The following FRMPD3 variants were observed in gnomAD, a reference collection of about 807,000 sequenced individuals.
FRMPD3 encodes FERM and PDZ domain-containing protein 3.
Under a neutral mutation model 97.9 loss-of-function variants are expected in FRMPD3, and 42 were observed. The observed-to-expected ratio is 0.43, with a 90% CI of 0.34 to 0.55. FRMPD3 has a LOEUF of 0.55. Ranked by LOEUF, FRMPD3 falls within the 20% of genes least tolerant of loss-of-function variation. FRMPD3 has a pLI of 0.03. For missense variants in FRMPD3, 1,303 were observed against 1,457.7 expected (o/e 0.89, Z 1.73); for synonymous variants, 577 against 581.1 (o/e 0.99, Z 0.10).
chrX:107,488,655 G>A (rs1341130722), intron 1 of FRMPD3, among the ~76,000 whole-genome samples: 1 of 111,395 alleles, frequency 9.0e-6, no homozygotes. Flanking sequence ...GCCAGCCACT[G>A]GGCTAGGTGT....
At chrX:107,541,085 A>G (rs1921273611) in intron 4 of FRMPD3, among the ~76,000 whole-genome samples, 1 of 113,448 alleles carries the variant, frequency 8.8e-6, no homozygotes, top group African/African-American at 3.2e-5. Context: ...CTTTATTTAC[A>G]AAAACAGGTG....
At chrX:107,457,214 A>G (rs1328882056) in intron 1 of FRMPD3, among the ~76,000 whole-genome samples, 1 of 110,731 alleles carries the variant, frequency 9.0e-6, no homozygotes, top group Non-Finnish European at 1.9e-5. Flanking sequence ...GTAAGAGGCC[A>G]TCTGCTCTGT....
chrX:107,471,058 A>G (rs1040664785), intron 1 of FRMPD3, among the ~76,000 whole-genome samples: 8 of 112,574 alleles, frequency 7.1e-5, no homozygotes, highest in Non-Finnish European at 1.1e-4. Context: ...GAGGCCCAGG[A>G]AGCTCCTTGG....
rs150511868 is a variant in FRMPD3, at chrX:107,548,929, G to T, written c.403-1120G>T. On this transcript the variant is annotated intron_variant, in intron 5 of 14. Transcript: ENST00000683843. ...GCTATAGGAATGCATGGAAAGACCA[G>T]GTCCAAGTATCTGATGATATTAGAC... Among the ~76,000 whole-genome samples, 650 of 112,059 alleles carry T rather than the reference G, an allele frequency of 5.8e-3. 3 individuals are homozygous for T. Among genetic ancestry groups the T allele is most frequent in the Non-Finnish European group, 0.01 (541 of 53,184 alleles).
chrX:107,459,095 C>A (rs1194965606), intron 1 of FRMPD3, among the ~76,000 whole-genome samples: 2 of 112,157 alleles, frequency 1.8e-5, no homozygotes, highest in African/African-American at 3.2e-5. Flanking sequence ...AAAGTAGATG[C>A]GCACAGGGGC....
chrX:107,522,721 C>T (rs982631878), intron 1 of FRMPD3, among the ~76,000 whole-genome samples: 7 of 111,849 alleles, frequency 6.3e-5, no homozygotes, highest in Non-Finnish European at 5.6e-5. Context: ...AAGAACCACA[C>T]GAATATAAAG....
At position 107,604,552 on chromosome X, in the gene FRMPD3, A is replaced by G. The variant is rs1602880565; in HGVS notation, c.*1179A>G. 2 of 101,922 alleles carry G rather than the reference A, an allele frequency of 2.0e-5. No individual in the cohort carries two copies. The highest frequency in any genetic ancestry group is 4.5e-3 in the Middle Eastern group (1 of 222). 8.4% of individuals were successfully genotyped at this position (101,922 alleles called of 1,213,427 possible). On this transcript the variant is annotated 3_prime_UTR_variant, in exon 15 of 15. Transcript: ENST00000683843. ...TCCTATTGCCACCACCGCTGCCACC[A>G]CCACCGCCACCACCGCTGCCAACCC...
intron 2 of FRMPD3, among the ~76,000 whole-genome samples, chrX:107,527,768 C>A (rs1016932646): frequency 2.7e-5 from 3 of 111,381 alleles, no homozygotes; most frequent in African/African-American, 6.5e-5. Context: ...ATGAATTTTG[C>A]AATCCTCCAA....
At chrX:107,537,589 G>A in intron 4 of FRMPD3, among the ~76,000 whole-genome samples, 1 of 111,842 alleles carries the variant, frequency 8.9e-6, no homozygotes. Flanking sequence ...AGTTGTGCCA[G>A]ATGTTAACCC....
intron 1 of FRMPD3, among the ~76,000 whole-genome samples, chrX:107,523,100 G>A (rs1922568520): frequency 9.0e-6 from 1 of 111,416 alleles, no homozygotes; most frequent in South Asian, 3.8e-4. Flanking sequence ...TGCCTTCAGT[G>A]TCACTCCCAA....
chrX:107,550,797 A>G (rs1355583115), intron 6 of FRMPD3, among the ~76,000 whole-genome samples: 1 of 111,610 alleles, frequency 9.0e-6, no homozygotes, highest in Non-Finnish European at 1.9e-5. Flanking sequence ...TCTGGGACAG[A>G]AATATCCATT....
intron 5 of FRMPD3, among the ~76,000 whole-genome samples, chrX:107,548,031 G>A (rs894599460): frequency 1.8e-5 from 2 of 110,840 alleles, no homozygotes; most frequent in Non-Finnish European, 3.8e-5. Flanking sequence ...TTGTCTCTTG[G>A]CTCCTCACCA....
chrX:107,458,404 G>T (rs900895469), intron 1 of FRMPD3, among the ~76,000 whole-genome samples: 2 of 112,454 alleles, frequency 1.8e-5, no homozygotes, highest in African/African-American at 6.5e-5. Flanking sequence ...AGCACAGAGA[G>T]AATGAGAGTG....
intron 14 of FRMPD3, among the ~76,000 whole-genome samples, chrX:107,598,774 T>G (rs1370521836): frequency 8.9e-6 from 1 of 112,665 alleles, no homozygotes; most frequent in East Asian, 2.8e-4. Flanking sequence ...AGATCATTCA[T>G]GCAAAGCATG....
chrX:107,512,646 C>A (rs5962401), intron 1 of FRMPD3, among the ~76,000 whole-genome samples: 1 of 111,438 alleles, frequency 9.0e-6, no homozygotes, highest in Non-Finnish European at 1.9e-5. Context: ...TCAGTCAATC[C>A]CTATATATCT....
chrX:107,599,738 T>C (rs944756104), intron 14 of FRMPD3, among the ~76,000 whole-genome samples: 17 of 111,870 alleles, frequency 1.5e-4, no homozygotes, highest in African/African-American at 5.2e-4. Context: ...GCCACCTCTT[T>C]TGTTTCTGTT....
At chrX:107,597,261 G>T (rs150721365) in intron 13 of FRMPD3, 60 bp from the exon 14 acceptor site, 25,616 of 990,915 alleles carry the variant, frequency 0.026, 303 homozygotes, top group Non-Finnish European at 0.029. Context: ...AGACAACAAG[G>T]GAGCTCATTC....
intron 4 of FRMPD3, among the ~76,000 whole-genome samples, chrX:107,538,540 TAAAAAAAAA>T (rs55749241): frequency 1.7e-4 from 11 of 63,769 alleles, no homozygotes; most frequent in African/African-American, 4.7e-4. Context: ...CTATATTTGT[TAAAAAAAAA>T]AAAAAAAAAA....
rs1924505554 is a variant in FRMPD3 at position 107,601,495 on chromosome X, CAGCCCCAGCAGCCAGTCTCGAGGTCAG to C, written c.3466_3492del (p.Ser1156_Ser1164del). On this transcript the variant is annotated inframe_deletion, in exon 15 of 15. Transcript: ENST00000683843. ...GCCCCAGCTGCCAGCCTCATGGCCA[CAGCCCCAGCAGCCAGTCTCGAGGTCAG>C]AGCCCCAGCTGCCAACCTCGAGGCC... The C allele has an allele frequency of 3.4e-6, 4 of 1,170,244 alleles. No individual in the cohort carries two copies. The highest frequency in any genetic ancestry group is 1.8e-5 in the African/African-American group (1 of 56,153).
Sources: gnomAD v4.1 joint callset for allele counts (sites outside exome capture counted in the v4.1 genomes callset) on GRCh38, gnomAD v4.1.1 for gene constraint, MANE v1.5 for transcripts, NCBI Gene and HGNC (gene_info 2026-07-23, HGNC 2026-07-21) for gene names.